The following MTMR1 variants were observed in gnomAD, a reference collection of about 807,000 sequenced individuals.
MTMR1 encodes the protein myotubularin related protein 1, also known as phosphatidylinositol-3-phosphate phosphatase MTMR1.
MTMR1 carries 17 observed loss-of-function variants against 51.6 expected under a neutral mutation model. The observed-to-expected ratio is 0.33, with a 90% confidence interval of 0.23 to 0.49. MTMR1 has a LOEUF of 0.49. Among genes scored for constraint, MTMR1 ranks in the 20% least tolerant of loss-of-function variants. MTMR1 has a pLI of 0.99. For synonymous variants in MTMR1, 201 were observed against 205.6 expected, an observed-to-expected ratio of 0.98 and a Z score of 0.19; for missense variants, 386 against 526.9, an observed-to-expected ratio of 0.73 and a Z score of 2.62.
chrX:150,747,792 C>T (rs782719177), intron 13 of MTMR1, among the ~76,000 whole-genome samples: 3 of 111,222 alleles, frequency 2.7e-5, no homozygotes, highest in Non-Finnish European at 5.7e-5. Flanking sequence ...TATCTGGTAC[C>T]CAGTGACCAG....
chrX:150,724,192 C>T (rs2041851006), intron 4 of MTMR1, among the ~76,000 whole-genome samples: 1 of 111,786 alleles, frequency 8.9e-6, no homozygotes, highest in Admixed American at 9.5e-5. Flanking sequence ...ATTTACACTC[C>T]TACCAACAGT....
intron 2 of MTMR1, among the ~76,000 whole-genome samples, chrX:150,703,864 C>T (rs1330628882): frequency 1.0e-5 from 1 of 95,280 alleles, no homozygotes; most frequent in East Asian, 3.1e-4. Context: ...ACAGAATGCC[C>T]ACCTAACAGC....
At chrX:150,741,165 G>A (rs1557417308) in intron 12 of MTMR1, among the ~76,000 whole-genome samples, 2 of 112,026 alleles carry the variant, frequency 1.8e-5, no homozygotes, top group African/African-American at 6.5e-5. Flanking sequence ...CACAGTGTGA[G>A]TCCCTCAGCA....
At chrX:150,693,118 C>T (rs1322490121), upstream of MTMR1, 5 of 112,510 alleles carry the variant, frequency 4.4e-5, no homozygotes, top group African/African-American at 1.6e-4. Flanking sequence ...TCTTTTTACA[C>T]CCCACGTCTC....
chrX:150,754,858 C>T (rs1268501280), intron 14 of MTMR1, among the ~76,000 whole-genome samples: 1 of 110,290 alleles, frequency 9.1e-6, no homozygotes, highest in Non-Finnish European at 1.9e-5. Context: ...TCCCCATCTC[C>T]GCCAAAAAAT....
chrX:150,735,889 C>G (rs1226326498), intron 10 of MTMR1: 3 of 128,604 alleles, frequency 2.3e-5, no homozygotes, highest in African/African-American at 9.5e-5. Context: ...TGTGCACATC[C>G]CTCAGAGCCG....
chrX:150,733,982 C>G (rs1241789145), intron 10 of MTMR1, among the ~76,000 whole-genome samples: 4 of 111,880 alleles, frequency 3.6e-5, no homozygotes, highest in African/African-American at 6.5e-5. Flanking sequence ...CAAATTACTA[C>G]CAATTTGTTG....
chrX:150,736,775 A>G lies in MTMR1; in HGVS notation c.1261A>G (p.Ile421Val), dbSNP rs946112768. The G allele has an allele frequency of 1.7e-6, 2 of 1,199,181 alleles. No homozygotes were observed. Among genetic ancestry groups the G allele is most frequent in the Non-Finnish European group, 2.3e-6 (2 of 888,434 alleles). Residue 421 changes from isoleucine to valine, a missense_variant, in exon 11 of 16, where the codon ATA becomes GTA. Physicochemically the swap from Ile to Val is conservative, Grantham distance 29. Transcript: ENST00000445323. ...NVDGTHWLEY[I>V]RMLLAGAVRI... ...GGATGGGACGCATTGGCTGGAATAT[A>G]TAAGGGTAAAGAGATCCAGCACTTT...
At chrX:150,760,583 C>T (rs185660051) in intron 15 of MTMR1, among the ~76,000 whole-genome samples, 19 of 111,758 alleles carry the variant, frequency 1.7e-4, no homozygotes, top group African/African-American at 5.5e-4. Flanking sequence ...TTTAAGCCTC[C>T]GAGTTTTCTA....
At chrX:150,705,897 C>T (rs1465451788) in intron 2 of MTMR1, among the ~76,000 whole-genome samples, 2 of 112,035 alleles carry the variant, frequency 1.8e-5, no homozygotes, top group African/African-American at 6.5e-5. Flanking sequence ...ACTAGCAACA[C>T]GTGGGGACCA....
intron 4 of MTMR1, 71 bp downstream of exon 4, chrX:150,718,771 G>A: frequency 9.6e-7 from 1 of 1,045,700 alleles, no homozygotes; most frequent in East Asian, 3.1e-5. Flanking sequence ...GCAAGTGGAG[G>A]TGATGTATGT....
chrX:150,740,388 G>A (rs1444339630), intron 12 of MTMR1, among the ~76,000 whole-genome samples: 4 of 111,686 alleles, frequency 3.6e-5, no homozygotes, highest in Non-Finnish European at 7.5e-5. Context: ...CGGCTTCTAG[G>A]TTTCTTTGAC....
At chrX:150,748,621 C>T (rs782677680) in intron 13 of MTMR1, among the ~76,000 whole-genome samples, 8 of 107,434 alleles carry the variant, frequency 7.4e-5, no homozygotes, top group Non-Finnish European at 1.3e-4. Context: ...AGCTCAAGAC[C>T]AGCCTAGGTA....
chrX:150,750,696 C>A (rs1456946156), intron 13 of MTMR1, 34 bp from the exon 14 acceptor site: 1 of 971,999 alleles, frequency 1.0e-6, no homozygotes, highest in East Asian at 3.1e-5. Context: ...AAATTGGACT[C>A]TATGACTAAA....
At chrX:150,735,810 G>A in intron 10 of MTMR1, 3 of 229,993 alleles carry the variant, frequency 1.3e-5, no homozygotes, top group Non-Finnish European at 1.6e-5. Flanking sequence ...GCAGTTTTCA[G>A]ATACAGACTA....
Position 150,695,931 on chromosome X carries a change from G to T in MTMR1, c.146+2255G>T, listed in dbSNP as rs73620699. On this transcript the variant is annotated intron_variant, in intron 1 of 15. Transcript: ENST00000445323. ...GACATGGTGAGCATTCAGATGTGAG[G>T]GGGGAGTGCCGGGTGGACTCCAAGG... Among the ~76,000 whole-genome samples the T allele has an allele frequency of 4.5e-3, 508 of 111,758 alleles. 4 individuals carry two copies. Among genetic ancestry groups the T allele is most frequent in the African/African-American group, 0.015 (464 of 30,655 alleles).
At chrX:150,706,275 A>G (rs2041098595) in intron 2 of MTMR1, among the ~76,000 whole-genome samples, 1 of 111,649 alleles carries the variant, frequency 9.0e-6, no homozygotes, top group Non-Finnish European at 1.9e-5. Context: ...GAATCTGGGG[A>G]TTCAGTTTCC....
chrX:150,705,900 G>C (rs925337494), intron 2 of MTMR1, among the ~76,000 whole-genome samples: 3 of 112,172 alleles, frequency 2.7e-5, no homozygotes, highest in Admixed American at 9.4e-5. Flanking sequence ...AGCAACACGT[G>C]GGGACCAAAA....
chrX:150,739,985 A>G (rs782628759), intron 12 of MTMR1, among the ~76,000 whole-genome samples: 6 of 111,684 alleles, frequency 5.4e-5, no homozygotes, highest in African/African-American at 1.6e-4. Context: ...GCTGAGGCTG[A>G]TCCTGCCCTT....
Sources: gnomAD v4.1 joint callset for allele counts (sites outside exome capture counted in the v4.1 genomes callset) on GRCh38, gnomAD v4.1.1 for gene constraint, MANE v1.5 for transcripts, NCBI Gene and HGNC (gene_info 2026-07-23, HGNC 2026-07-21) for gene names.